The following ITPKB variants were observed in gnomAD, a reference collection of about 807,000 sequenced individuals.
The protein encoded by ITPKB is IP3 3-kinase B.
Under a neutral mutation model 69.4 loss-of-function variants are expected in ITPKB, and 13 were observed. The observed-to-expected ratio is 0.19, with a 90% CI of 0.12 to 0.30. ITPKB has a LOEUF of 0.30. Among genes scored for constraint, ITPKB ranks in the 10% least tolerant of loss-of-function variants. The probability of loss-of-function intolerance (pLI) is 1.00; values close to 1 mark genes in which losing one functional copy is unlikely to be tolerated. For missense variants in ITPKB, 1,240 were observed against 1,250.5 expected, an observed-to-expected ratio of 0.99 and a Z score of 0.13; for synonymous variants, 584 against 513.7, an observed-to-expected ratio of 1.14 and a Z score of -1.85.
At chr1:226,644,293 C>T (rs942154391) in intron 4 of ITPKB, among the ~76,000 whole-genome samples, 18 of 152,224 alleles carry the variant, frequency 1.2e-4, no homozygotes, top group Non-Finnish European at 2.5e-4. Context: ...CACTCCCCTG[C>T]CTGCCCGAGA....
chr1:226,656,734 G>A (rs1293672525), intron 2 of ITPKB: 1 of 152,228 alleles, frequency 6.6e-6, no homozygotes, highest in Non-Finnish European at 1.5e-5. Flanking sequence ...CAAGTGTAGA[G>A]GTTGGAACGA....
At position 226,729,645 on chromosome 1, in the gene ITPKB, C is replaced by T. The variant is rs111274287; in HGVS notation, c.1932+5882G>A. 3.2e-3 allele frequency among the ~76,000 whole-genome samples: 491 copies of T among 152,062 alleles called. 3 individuals are homozygous for T. Among genetic ancestry groups the T allele is most frequent in the African/African-American group, 0.011 (439 of 41,506 alleles). ...CCAGGCTGGAGTGCAATGGTGCAATCTCGGCTCACTGCAACCTCCAACTCC... is the reference window on the plus strand; with the variant it reads ...CCAGGCTGGAGTGCAATGGTGCAATTTCGGCTCACTGCAACCTCCAACTCC... On this transcript the variant is annotated intron_variant, in intron 2 of 7. Transcript: ENST00000429204.
At chr1:226,714,930 T>G (rs1657060065) in intron 2 of ITPKB, among the ~76,000 whole-genome samples, 1 of 152,182 alleles carries the variant, frequency 6.6e-6, no homozygotes, top group Non-Finnish European at 1.5e-5. Flanking sequence ...TTGTCACAAA[T>G]GGGGGGAGGT....
At chr1:226,669,173 T>G (rs1377161242) in intron 2 of ITPKB, 1 of 152,192 alleles carries the variant, frequency 6.6e-6, no homozygotes, top group Admixed American at 6.5e-5. Flanking sequence ...CCCAACACTT[T>G]GGGAGGCCGA....
At chr1:226,639,338 G>T (rs1278735348) in intron 6 of ITPKB, among the ~76,000 whole-genome samples, 19 of 152,192 alleles carry the variant, frequency 1.2e-4, no homozygotes, top group Admixed American at 1.2e-3. Context: ...GATTACAGGC[G>T]TGAGCCACTG....
intron 2 of ITPKB, among the ~76,000 whole-genome samples, chr1:226,649,884 C>G (rs567552589): frequency 6.6e-6 from 1 of 151,670 alleles, no homozygotes; most frequent in African/African-American, 2.4e-5. Flanking sequence ...GAAAAAATAT[C>G]CTTAAGTGAA....
chr1:226,703,393 C>T (rs1025164107), intron 2 of ITPKB, among the ~76,000 whole-genome samples: 7 of 152,250 alleles, frequency 4.6e-5, no homozygotes, highest in Non-Finnish European at 1.0e-4. Flanking sequence ...CCGACGCTGG[C>T]TGGCCGAGGC....
intron 2 of ITPKB, among the ~76,000 whole-genome samples, chr1:226,701,619 A>C (rs866605285): frequency 0.039 from 5,755 of 149,472 alleles, 458 homozygotes; most frequent in African/African-American, 0.14. Flanking sequence ...AAAAAAAAAA[A>C]AAAAAAAAAA....
chr1:226,737,224 G>T lies in ITPKB; in HGVS notation c.235C>A (p.Arg79=). The T allele has an allele frequency of 1.3e-6, 2 of 1,566,258 alleles. No individual in the cohort carries two copies. The highest frequency in any genetic ancestry group is 1.7e-6 in the Non-Finnish European group (2 of 1,163,378). Residue 79 remains arginine, a synonymous_variant, in exon 2 of 8, where the codon CGG becomes AGG. Coordinates refer to ENST00000429204, the MANE Select transcript of ITPKB (RefSeq NM_002221.4). The stretch of plus-strand genomic sequence containing the variant: ...CCGCTGCTACTATTCAGCCTGCGCC[G>T]GCCGCTCCGCCAGCCCCCGGGGCTC... ...PRSPGGWRSG[R]RRLNSSSGSG...
rs936616632 is a variant in ITPKB at position 226,642,230 on chromosome 1, C to A, written c.2247-105G>T. The A allele has an allele frequency of 3.5e-6, 3 of 854,358 alleles. No homozygotes were observed. Among genetic ancestry groups the A allele is most frequent in the East Asian group, 5.0e-5 (2 of 40,370 alleles). 52.9% of individuals were successfully genotyped at this position (854,358 alleles called of 1,614,324 possible). ...AAGGTTTGGGGCGTGTGTTGCCCAA[C>A]AGCTGCAGTCAGCTCAGTGCCCTGA... On this transcript the variant is annotated intron_variant, in intron 4 of 7. Coordinates refer to ENST00000429204, the MANE Select transcript of ITPKB (RefSeq NM_002221.4). This position sits in a 1 kb window ranked among gnomAD's most constrained non-coding sequence, Gnocchi z 6.4.
chr1:226,712,571 T>C (rs1027368428), intron 2 of ITPKB, among the ~76,000 whole-genome samples: 2 of 152,062 alleles, frequency 1.3e-5, no homozygotes, highest in Non-Finnish European at 2.9e-5. Context: ...GAAGGGAAGG[T>C]GGTCACCGTG....
intron 2 of ITPKB, among the ~76,000 whole-genome samples, chr1:226,701,279 GCTAACATCTTC>G (rs1044727053): frequency 1.1e-4 from 17 of 152,162 alleles, no homozygotes; most frequent in Admixed American, 1.0e-3. Context: ...TTCTAACTGT[GCTAACATCTTC>G]CTAACAACAG....
chr1:226,649,251 G>C (rs546051628), intron 2 of ITPKB, among the ~76,000 whole-genome samples: 1 of 152,344 alleles, frequency 6.6e-6, no homozygotes, highest in African/African-American at 2.4e-5. Flanking sequence ...TGTTTCTTCA[G>C]TGAAAACAGC....
Position 226,634,854 on chromosome 1 carries a change from G to A in ITPKB, c.2658C>T (p.Asp886=). 1 of 1,613,988 alleles carries A rather than the reference G, an allele frequency of 6.2e-7. No homozygotes were observed. The highest frequency in any genetic ancestry group is 8.5e-7 in the Non-Finnish European group (1 of 1,179,902). The change falls in exon 8 of 8, where the codon GAC becomes GAT. Residue 886 remains aspartate, a synonymous_variant. Coordinates refer to ENST00000429204, the MANE Select transcript of ITPKB (RefSeq NM_002221.4). This position sits in a 1 kb window ranked among gnomAD's most constrained non-coding sequence, Gnocchi z 6.3. The part of the protein sequence containing the change: ...VIGSSLLFIH[D]KKEQAKVWMI... The stretch of plus-strand genomic sequence containing the variant: ...TCCACACTTTGGCCTGTTCCTTCTT[G>A]TCGTGGATGAAGAGGAGGGAGCTGC...
chr1:226,658,500 T>C (rs1669338393), intron 2 of ITPKB, among the ~76,000 whole-genome samples: 1 of 152,216 alleles, frequency 6.6e-6, no homozygotes, highest in African/African-American at 2.4e-5. Context: ...CCCAAGGACT[T>C]GGCAGGACAG....
chr1:226,691,922 C>T (rs1656362497), intron 2 of ITPKB, among the ~76,000 whole-genome samples: 1 of 152,152 alleles, frequency 6.6e-6, no homozygotes, highest in South Asian at 2.1e-4. Context: ...CACCCAGGGC[C>T]CACCTGGAGT....
chr1:226,694,990 G>C (rs1169359639), intron 2 of ITPKB, among the ~76,000 whole-genome samples: 1 of 152,234 alleles, frequency 6.6e-6, no homozygotes, highest in Admixed American at 6.5e-5. Context: ...AGCACTCTGG[G>C]AAGCCAAGGT....
At chr1:226,664,792 T>C (rs1669466498) in intron 2 of ITPKB, among the ~76,000 whole-genome samples, 1 of 152,198 alleles carries the variant, frequency 6.6e-6, no homozygotes, top group Admixed American at 6.5e-5. Context: ...GGATTCAAGG[T>C]GGCCAAAGAG....
intron 2 of ITPKB, among the ~76,000 whole-genome samples, chr1:226,718,700 A>C (rs1657156064): frequency 6.6e-6 from 1 of 152,232 alleles, no homozygotes; most frequent in Non-Finnish European, 1.5e-5. Flanking sequence ...AAAAGTAGCT[A>C]CTTAGCTACT....
Sources: gnomAD v4.1 joint callset for allele counts (sites outside exome capture counted in the v4.1 genomes callset) on GRCh38, gnomAD v4.1.1 for gene constraint, Gnocchi (gnomAD v3.1) non-coding constraint, MANE v1.5 for transcripts, NCBI Gene and HGNC (gene_info 2026-07-23, HGNC 2026-07-21) for gene names.